KCNT2: variants seen among roughly 807,000 people sequenced by gnomAD.
The protein encoded by KCNT2 is potassium channel subfamily T member 2.
Under a neutral mutation model 153.8 loss-of-function variants are expected in KCNT2, and 67 were observed. The observed-to-expected ratio is 0.44, with a 90% CI of 0.36 to 0.53. The LOEUF (loss-of-function observed/expected upper bound fraction) is 0.53. KCNT2 is among the 20% of genes least tolerant of loss of function. The pLI is 0.00. For missense variants in KCNT2, 975 were observed against 1,354.8 expected, an observed-to-expected ratio of 0.72 and a Z score of 4.40; for synonymous variants, 500 against 458.8, an observed-to-expected ratio of 1.09 and a Z score of -1.15.
chr1:196,234,428 A>G (rs1399966649), intron 27 of KCNT2, among the ~76,000 whole-genome samples: 1 of 151,178 alleles, frequency 6.6e-6, no homozygotes, highest in Non-Finnish European at 1.5e-5. Flanking sequence ...TCAATAATCA[A>G]GTCTCATTTT....
intron 25 of KCNT2, among the ~76,000 whole-genome samples, chr1:196,279,631 T>C (rs1033564077): frequency 6.6e-6 from 1 of 150,946 alleles, no homozygotes; most frequent in African/African-American, 2.4e-5. Context: ...GGTTTCACCA[T>C]ATTGGCCAGT....
At chr1:196,432,615 T>G (rs571973177) in intron 8 of KCNT2, among the ~76,000 whole-genome samples, 1 of 152,230 alleles carries the variant, frequency 6.6e-6, no homozygotes, top group East Asian at 1.9e-4. Flanking sequence ...TATTACCCAT[T>G]TCTTCTTGCC....
intron 3 of KCNT2, among the ~76,000 whole-genome samples, chr1:196,486,873 AT>A (rs1679462313): frequency 6.6e-6 from 1 of 151,918 alleles, no homozygotes; most frequent in African/African-American, 2.4e-5. Context: ...TTTAATACAC[AT>A]CCAAAAACTA....
rs189926518 is a variant in KCNT2 at position 196,240,145 on chromosome 1, T to C, written c.3212-4075A>G. 1.3e-3 allele frequency among the ~76,000 whole-genome samples: 201 copies of C among 152,184 alleles called. 2 individuals carry two copies. Among genetic ancestry groups the C allele is most frequent in the Non-Finnish European group, 1.8e-4 (12 of 67,940 alleles). On this transcript the variant is annotated intron_variant, in intron 26 of 27. Coordinates refer to ENST00000294725, the MANE Select transcript of KCNT2 (RefSeq NM_198503.5). ...CTGAAAACACATATCCATTGTATCA[T>C]GTGTAGTCAGAGGAACATTCTATAT...
chr1:196,342,034 C>A, intron 15 of KCNT2, 45 bp downstream of exon 15: 5 of 1,580,802 alleles, frequency 3.2e-6, no homozygotes, highest in Non-Finnish European at 4.3e-6. Flanking sequence ...ACATGATATG[C>A]TTGACTGATT....
At position 196,495,898 on chromosome 1, in the gene KCNT2, C is replaced by G. The variant is rs182629088; in HGVS notation, c.96-3557G>C. 2.6e-5 allele frequency among the ~76,000 whole-genome samples: 4 copies of G among 152,182 alleles called. No homozygotes were observed. The East Asian group carries it at 7.7e-4, about 29-fold the overall frequency. Reference sequence around the variant, plus strand: ...ATTTAATAGTTATTTTTATGTTGATCAACAACATTTTATTTGGGTAAATGT... The same window carrying G: ...ATTTAATAGTTATTTTTATGTTGATGAACAACATTTTATTTGGGTAAATGT... On this transcript the variant is annotated intron_variant, in intron 1 of 27. Transcript: ENST00000294725.
chr1:196,334,625 T>G (rs947776331), intron 16 of KCNT2, among the ~76,000 whole-genome samples: 1 of 151,770 alleles, frequency 6.6e-6, no homozygotes, highest in Non-Finnish European at 1.5e-5. Context: ...TTATGACCAC[T>G]TTTTAAAATA....
At chr1:196,335,428 C>T (rs555110117) in intron 16 of KCNT2, among the ~76,000 whole-genome samples, 148 of 152,222 alleles carry the variant, frequency 9.7e-4, no homozygotes, top group African/African-American at 3.5e-3. Flanking sequence ...TATGGTATAG[C>T]CTACTGCTCC....
intron 12 of KCNT2, among the ~76,000 whole-genome samples, chr1:196,417,647 G>C (rs1672861964): frequency 6.6e-6 from 1 of 151,958 alleles, no homozygotes; most frequent in Non-Finnish European, 1.5e-5. Context: ...CCCTCATTCT[G>C]AATTTCCCTT....
At chr1:196,344,720 A>G (rs1665987433) in intron 14 of KCNT2, among the ~76,000 whole-genome samples, 2 of 152,192 alleles carry the variant, frequency 1.3e-5, no homozygotes, top group Non-Finnish European at 1.5e-5. Flanking sequence ...AGGGGAACAC[A>G]ATGTGGTAAC....
chr1:196,492,219 T>C, intron 2 of KCNT2, 43 bp downstream of exon 2: 1 of 1,358,414 alleles, frequency 7.4e-7, no homozygotes, highest in African/African-American at 1.5e-5. Context: ...TATTTTGAAG[T>C]AAATATATGT....
At chr1:196,439,471 T>C (rs183074190) in intron 8 of KCNT2, among the ~76,000 whole-genome samples, 56 of 152,092 alleles carry the variant, frequency 3.7e-4, no homozygotes, top group Admixed American at 3.3e-3. Flanking sequence ...ACTAGAACCA[T>C]GTGAAACAAA....
intron 1 of KCNT2, among the ~76,000 whole-genome samples, chr1:196,510,984 GTT>G (rs1361031750): frequency 7.9e-5 from 12 of 152,252 alleles, no homozygotes; most frequent in South Asian, 2.1e-4. Context: ...CACAAACAAA[GTT>G]TTAAAAGTAA....
At chr1:196,289,756 A>G (rs1395524233) in intron 22 of KCNT2, among the ~76,000 whole-genome samples, 1 of 152,136 alleles carries the variant, frequency 6.6e-6, no homozygotes, top group Admixed American at 6.6e-5. Context: ...ATAAACATAC[A>G]CTATGATTCC....
chr1:196,468,956 T>C, intron 6 of KCNT2, 38 bp downstream of exon 6: 1 of 1,227,798 alleles, frequency 8.1e-7, no homozygotes, highest in Non-Finnish European at 1.2e-6. Flanking sequence ...TTAAGTCTAA[T>C]TACAAAAGTG....
At chr1:196,255,274 C>A (rs538283256) in intron 26 of KCNT2, among the ~76,000 whole-genome samples, 1 of 151,820 alleles carries the variant, frequency 6.6e-6, no homozygotes, top group African/African-American at 2.4e-5. Context: ...ACACATCATA[C>A]CCCTGGGAAA....
chr1:196,599,565 C>T (rs761324347), intron 1 of KCNT2, among the ~76,000 whole-genome samples: 7 of 152,132 alleles, frequency 4.6e-5, no homozygotes, highest in Non-Finnish European at 1.0e-4. Flanking sequence ...CCTTTAAAGC[C>T]GTGGCATAAT....
intron 1 of KCNT2, among the ~76,000 whole-genome samples, chr1:196,556,791 T>C (rs990559661): frequency 6.6e-5 from 10 of 151,422 alleles, no homozygotes; most frequent in Non-Finnish European, 1.0e-4. Context: ...CAGAGTACTA[T>C]TTAACCATAA....
chr1:196,480,758 A>G (rs1678941762), intron 4 of KCNT2, among the ~76,000 whole-genome samples: 1 of 144,598 alleles, frequency 6.9e-6, no homozygotes, highest in African/African-American at 2.5e-5. Flanking sequence ...CCGGAGGCTG[A>G]GGCAGGAGAA....
Sources: allele counts gnomAD v4.1 joint callset (sites outside exome capture counted in the v4.1 genomes callset), GRCh38; gene constraint gnomAD v4.1.1; transcripts MANE v1.5; gene names NCBI Gene and HGNC (gene_info 2026-07-23, HGNC 2026-07-21).